TMEM242: variants seen among roughly 807,000 people sequenced by gnomAD.
TMEM242 encodes the protein UPF0463 transmembrane protein C6orf35.
In TMEM242, 10 loss-of-function variants were observed where a neutral mutation model predicts 18.2. The observed-to-expected ratio is 0.55, with a 90% CI of 0.34 to 0.93. The LOEUF is 0.93. TMEM242 is among the 40% of genes least tolerant of loss of function. The pLI is 0.02. For synonymous variants in TMEM242, 57 were observed against 69.9 expected (o/e 0.81, Z 0.92); for missense variants, 186 against 175.5 (o/e 1.06, Z -0.34).
intron 3 of TMEM242, among the ~76,000 whole-genome samples, chr6:157,298,284 G>C (rs1777777291): frequency 6.6e-6 from 1 of 152,164 alleles, no homozygotes; most frequent in Non-Finnish European, 1.5e-5. Context: ...ACTCAGTCAG[G>C]CTTTATTTTT....
chr6:157,301,090 A>C (rs1340388932), intron 3 of TMEM242, among the ~76,000 whole-genome samples: 1 of 152,142 alleles, frequency 6.6e-6, no homozygotes, highest in African/African-American at 2.4e-5. Flanking sequence ...AGTAAACTAC[A>C]AAAGCTCCAA....
chr6:157,310,620 C>G (rs1554248352), intron 3 of TMEM242, among the ~76,000 whole-genome samples: 3 of 148,660 alleles, frequency 2.0e-5, no homozygotes, highest in African/African-American at 7.3e-5. Flanking sequence ...GTGCCCTCAC[C>G]TAGCCTCATC....
chr6:157,302,361 T>C (rs1777842448), intron 3 of TMEM242, among the ~76,000 whole-genome samples: 1 of 152,164 alleles, frequency 6.6e-6, no homozygotes. Flanking sequence ...CTTTCACCAG[T>C]CAAGTCATTT....
At chr6:157,317,493 T>C (rs587607982) in intron 3 of TMEM242, among the ~76,000 whole-genome samples, 4 of 152,288 alleles carry the variant, frequency 2.6e-5, no homozygotes, top group Non-Finnish European at 4.4e-5. Flanking sequence ...CCCCAAGAGT[T>C]CCTTCCTCAG....
At chr6:157,320,641 T>C (rs1323646208) in intron 2 of TMEM242, among the ~76,000 whole-genome samples, 7 of 152,152 alleles carry the variant, frequency 4.6e-5, no homozygotes, top group Non-Finnish European at 8.8e-5. Context: ...CAGCTAATTT[T>C]TGTATTTTTA....
At position 157,292,993 on chromosome 6, in the gene TMEM242, C is replaced by T. The variant is rs188468367; in HGVS notation, c.334G>A (p.Asp112Asn). 15 of 1,610,896 alleles carry T rather than the reference C, an allele frequency of 9.3e-6. No homozygotes were observed. Among genetic ancestry groups the T allele is most frequent in the African/African-American group, 6.7e-5 (5 of 74,908 alleles). ...WKALGVHSMN[D>N]FRSKMQSIFP... ...ATTGATTGCATTTTACTTCGAAAGT[C>T]GTTCATCTAAAAGAAGAAAAATAAT... Residue 112 changes from aspartate (D) to asparagine (N), a missense_variant, in exon 4 of 4, where the codon GAC (aspartate) becomes AAC (asparagine). By Grantham distance (23) the Asp-to-Asn change is conservative. Transcript: ENST00000400788.
intron 3 of TMEM242, 77 bp downstream of exon 3, chr6:157,318,705 T>G: frequency 6.3e-7 from 1 of 1,585,666 alleles, no homozygotes; most frequent in South Asian, 1.1e-5. Context: ...GCAAATAAAT[T>G]TGAAAACCAG....
intron 2 of TMEM242, 46 bp downstream of exon 2, chr6:157,322,659 A>G (rs1252711620): frequency 6.5e-7 from 1 of 1,536,206 alleles, no homozygotes; most frequent in Non-Finnish European, 8.9e-7. Context: ...GCTGCCATAT[A>G]TTGTAAACAA....
At chr6:157,310,664 C>G (rs1583562773) in intron 3 of TMEM242, among the ~76,000 whole-genome samples, 1 of 150,762 alleles carries the variant, frequency 6.6e-6, no homozygotes, top group African/African-American at 2.5e-5. Flanking sequence ...CCGGCCTCAT[C>G]ATAGTGTCCC....
chr6:157,294,969 T>C (rs930682609), intron 3 of TMEM242, among the ~76,000 whole-genome samples: 4 of 152,218 alleles, frequency 2.6e-5, no homozygotes, highest in East Asian at 1.9e-4. Flanking sequence ...AGTGAGATGA[T>C]GCATATAAAG....
chr6:157,306,274 T>A (rs1777917886), intron 3 of TMEM242, among the ~76,000 whole-genome samples: 1 of 152,172 alleles, frequency 6.6e-6, no homozygotes, highest in African/African-American at 2.4e-5. Context: ...GAGAAAGGGC[T>A]GCAGAGAGGC....
At chr6:157,308,382 TATC>T (rs1554248071) in intron 3 of TMEM242, among the ~76,000 whole-genome samples, 2 of 152,116 alleles carry the variant, frequency 1.3e-5, no homozygotes, top group African/African-American at 4.8e-5. Flanking sequence ...GCCTAAATAT[TATC>T]ATAAAAATTA....
Position 157,292,840 on chromosome 6 carries a change from ATGG to A in TMEM242, c.*58_*60del. ...AATCAGTCCCAGTCCTTTTGCTGTC[ATGG>A]TGTCTCCAGAGCCACCCCTTTCTGT... On this transcript the variant is annotated 3_prime_UTR_variant, in exon 4 of 4. Transcript: ENST00000400788. The A allele has an allele frequency of 7.6e-7, 1 of 1,319,380 alleles. No homozygotes were observed. Among genetic ancestry groups the A allele is most frequent in the South Asian group, 1.2e-5 (1 of 84,514 alleles). 81.7% of individuals were successfully genotyped at this position (1,319,380 alleles called of 1,614,324 possible). A position where few individuals can be genotyped will look rare whatever the true frequency, so the allele number is the denominator to read the frequency against.
chr6:157,303,607 TA>T (rs1157799820), intron 3 of TMEM242, among the ~76,000 whole-genome samples: 3 of 152,142 alleles, frequency 2.0e-5, no homozygotes, highest in African/African-American at 2.4e-5. Context: ...TGGAAAGCTT[TA>T]AAAAAATAAT....
intron 3 of TMEM242, among the ~76,000 whole-genome samples, chr6:157,312,508 CGAGCCT>C: frequency 7.4e-6 from 1 of 134,978 alleles, no homozygotes; most frequent in East Asian, 2.2e-4. Context: ...GTGCACTCAC[CGAGCCT>C]CATCATACCG....
chr6:157,311,005 AGTGTG>A (rs1554248563), intron 3 of TMEM242, among the ~76,000 whole-genome samples: 1 of 79,040 alleles, frequency 1.3e-5, no homozygotes, highest in African/African-American at 4.8e-5. Flanking sequence ...TAGCCTCCCC[AGTGTG>A]CAGTCACCTA....
chr6:157,299,712 G>A, intron 3 of TMEM242: 1 of 1,606,728 alleles, frequency 6.2e-7, no homozygotes, highest in South Asian at 1.1e-5. Flanking sequence ...CCCTTTTCTT[G>A]ACGTGCACCT....
chr6:157,300,561 G>T (rs1554247458), intron 3 of TMEM242, among the ~76,000 whole-genome samples: 1 of 152,236 alleles, frequency 6.6e-6, no homozygotes, highest in African/African-American at 2.4e-5. Context: ...GCATACGGGT[G>T]GTTGCCTGCA....
Position 157,322,809 on chromosome 6 carries a change from C to T in TMEM242, c.89-4G>A. 1 of 1,611,576 alleles carries T rather than the reference C, an allele frequency of 6.2e-7. No individual in the cohort carries two copies. The highest frequency in any genetic ancestry group is 8.5e-7 in the Non-Finnish European group (1 of 1,179,004). ...ACGGTACCAAGGAAAATTCCACCTG[C>T]CAAGAGTTTCGGGGAGGAGGGGGGA... On this transcript the variant is annotated splice_polypyrimidine_tract_variant and splice_region_variant and intron_variant, in intron 1 of 3. Coordinates refer to ENST00000400788, the MANE Select transcript of TMEM242 (RefSeq NM_018452.6).
Sources: gnomAD v4.1 joint callset for allele counts (sites outside exome capture counted in the v4.1 genomes callset) on GRCh38, gnomAD v4.1.1 for gene constraint, MANE v1.5 for transcripts, NCBI Gene and HGNC (gene_info 2026-07-23, HGNC 2026-07-21) for gene names.